CKAP5: variants seen among roughly 807,000 people sequenced by gnomAD.
CKAP5 encodes cytoskeleton associated protein 5.
CKAP5 carries 27 observed loss-of-function variants against 232.8 expected under a neutral mutation model. The ratio of observed to expected loss-of-function variants is 0.12; its 90% CI spans 0.09 to 0.16. The LOEUF (loss-of-function observed/expected upper bound fraction) is 0.16, where lower values mean the gene tolerates loss of function less well. Among genes scored for constraint, CKAP5 ranks in the 10% least tolerant of loss-of-function variants. The pLI is 1.00. For synonymous variants in CKAP5, 785 were observed against 841.1 expected, an observed-to-expected ratio of 0.93 and a Z score of 1.16; for missense variants, 1,838 against 2,424.7, an observed-to-expected ratio of 0.76 and a Z score of 5.08.
rs776672626 is a variant in CKAP5, at chr11:46,797,858, C to A, written c.1285G>T (p.Ala429Ser). The change falls in exon 11 of 44, where the codon GCT becomes TCT. Residue 429 changes from alanine to serine, a missense_variant. This residue lies in a region of CKAP5 where 767 missense variants were observed against 954.6 expected (regional missense o/e 0.80). Coordinates refer to ENST00000529230, the MANE Select transcript of CKAP5 (RefSeq NM_001008938.4). ...FIARSFRHCT[A>S]STLPKSLLKP... ...AGCAAGCTCTTTGGCAGGGTAGAAG[C>A]AGTGCAGTGGCGGAAACTTCTTGCA... 3.7e-6 allele frequency: 6 copies of A among 1,613,930 alleles called. No individual in the cohort carries two copies. The highest frequency in any genetic ancestry group is 2.7e-5 in the African/African-American group (2 of 74,900).
chr11:46,824,752 C>G (rs894896499), intron 1 of CKAP5, among the ~76,000 whole-genome samples: 1 of 152,200 alleles, frequency 6.6e-6, no homozygotes, highest in African/African-American at 2.4e-5. Flanking sequence ...TAGGGATGAG[C>G]AGACTGATCT....
intron 4 of CKAP5, among the ~76,000 whole-genome samples, chr11:46,812,533 TTTATCTA>T (rs1436045998): frequency 9.9e-5 from 15 of 152,258 alleles, no homozygotes; most frequent in Admixed American, 8.5e-4. Flanking sequence ...CAAATTATTA[TTTATCTA>T]TTATCTAATG....
chr11:46,769,810 C>T (rs2134604574), intron 26 of CKAP5, among the ~76,000 whole-genome samples, 153 bp downstream of exon 26: 1 of 152,170 alleles, frequency 6.6e-6, no homozygotes, highest in South Asian at 2.1e-4. Flanking sequence ...GACTACTTGA[C>T]AAGTGTTTGT....
intron 8 of CKAP5, among the ~76,000 whole-genome samples, chr11:46,806,881 C>T (rs184716465): frequency 6.6e-6 from 1 of 152,304 alleles, no homozygotes; most frequent in East Asian, 1.9e-4. Flanking sequence ...ACTCTACCTT[C>T]TTGCTTTAGC....
In CKAP5 at chr11:46,743,841, C is replaced by T. The variant is rs1018968969; in HGVS notation, c.*182G>A. 4.2e-5 allele frequency: 30 copies of T among 709,932 alleles called. No individual in the cohort carries two copies. The highest frequency in any genetic ancestry group is 2.3e-4 in the Admixed American group (8 of 35,520). 44.0% of individuals were successfully genotyped at this position (709,932 alleles called of 1,614,324 possible). On this transcript the variant is annotated 3_prime_UTR_variant, in exon 44 of 44. Coordinates refer to ENST00000529230, the MANE Select transcript of CKAP5 (RefSeq NM_001008938.4). ...CGGACAGTCTTCTAGAGCAGCAGGA[C>T]GCTGACAGAGAGAAGCAGAGTATGT...
chr11:46,801,315 G>A lies in CKAP5; in HGVS notation c.979-11C>T. The A allele has an allele frequency of 6.3e-7, 1 of 1,596,074 alleles. No homozygotes were observed. The highest frequency in any genetic ancestry group is 1.7e-5 in the Admixed American group (1 of 59,922). On this transcript the variant is annotated splice_polypyrimidine_tract_variant and intron_variant, in intron 8 of 43. Coordinates refer to ENST00000529230, the MANE Select transcript of CKAP5 (RefSeq NM_001008938.4). ...GTCCTTTCCAACAACCTACAAAGGG[G>A]GGTAAAAAGGAAAACAAAATAGTCA... is the stretch of plus-strand genomic sequence containing the variant.
chr11:46,817,765 G>C (rs1331087036), intron 3 of CKAP5, among the ~76,000 whole-genome samples: 1 of 152,032 alleles, frequency 6.6e-6, no homozygotes, highest in African/African-American at 2.4e-5. Flanking sequence ...AGGATGACTA[G>C]AAATCTGTCA....
chr11:46,811,257 T>C (rs532441814), intron 4 of CKAP5, 79 bp from the exon 5 acceptor site: 10 of 1,141,350 alleles, frequency 8.8e-6, no homozygotes, highest in East Asian at 2.5e-5. Flanking sequence ...CATTCAAACA[T>C]AGTTCCATAT....
intron 17 of CKAP5, 75 bp downstream of exon 17, chr11:46,784,413 T>A (rs780954834): frequency 3.4e-6 from 4 of 1,174,760 alleles, no homozygotes; most frequent in Non-Finnish European, 4.9e-6. Context: ...TAAAAACTAA[T>A]GTTTAATTAG....
At chr11:46,839,056 C>T (rs1939987322) in intron 1 of CKAP5, among the ~76,000 whole-genome samples, 1 of 151,998 alleles carries the variant, frequency 6.6e-6, no homozygotes, top group African/African-American at 2.4e-5. Context: ...AATCTATGTT[C>T]TGCTTTCATT....
chr11:46,765,111 G>C lies in CKAP5; in HGVS notation c.3537+20C>G. On this transcript the variant is annotated intron_variant, in intron 28 of 43. Transcript: ENST00000529230. ...ACAATACAAGCAAAAATCTCCTGACGATTCTTAATCCTTCCTTACCTTCAA... is the reference window on the plus strand; with the variant it reads ...ACAATACAAGCAAAAATCTCCTGACCATTCTTAATCCTTCCTTACCTTCAA... 1 of 1,596,096 alleles carries C rather than the reference G, an allele frequency of 6.3e-7. No homozygotes were observed. The highest frequency in any genetic ancestry group is 1.1e-5 in the South Asian group (1 of 88,036).
intron 35 of CKAP5, 155 bp downstream of exon 35, chr11:46,758,768 G>T: frequency 1.4e-6 from 1 of 733,004 alleles, no homozygotes; most frequent in Non-Finnish European, 2.1e-6. Flanking sequence ...TGAGGCAAGT[G>T]ATGACTGAGT....
intron 16 of CKAP5, among the ~76,000 whole-genome samples, chr11:46,786,878 C>G (rs2065399025): frequency 1.3e-5 from 2 of 152,114 alleles, no homozygotes; most frequent in African/African-American, 4.8e-5. Flanking sequence ...CACATTGGTT[C>G]AAGGCATTTA....
chr11:46,802,870 A>C (rs1007759274), intron 8 of CKAP5, among the ~76,000 whole-genome samples: 2 of 152,186 alleles, frequency 1.3e-5, no homozygotes, highest in Non-Finnish European at 2.9e-5. Flanking sequence ...TTTATTGAAA[A>C]AACAAATTAG....
At position 46,751,552 on chromosome 11, in the gene CKAP5, A is replaced by G. The variant is rs138191732; in HGVS notation, c.5134-18T>C. The G allele has an allele frequency of 3.0e-5, 47 of 1,590,038 alleles. No homozygotes were observed. The African/African-American group carries it at 4.6e-4, about 15-fold the overall frequency. On this transcript the variant is annotated intron_variant, in intron 38 of 43. Transcript: ENST00000529230. The stretch of plus-strand genomic sequence containing the variant: ...CAGAGACACTATTGAAAAAAGAATA[A>G]AAGAGTTAGGAGTGACTGAAGAATG...
intron 12 of CKAP5, 60 bp from the exon 13 acceptor site, chr11:46,795,836 T>TAA: frequency 7.2e-7 from 1 of 1,387,316 alleles, no homozygotes; most frequent in Non-Finnish European, 1.0e-6. Flanking sequence ...AACCACTACG[T>TAA]TATTACATTT....
Position 46,763,663 on chromosome 11 carries a change from G to A in CKAP5, c.3538-33C>T, listed in dbSNP as rs79419516. ...AAACAAACGGTGAAAAGGGGCTACAGGGTGTTCAACTGAAATGAGGTAGAG... is the reference window on the plus strand; with the variant it reads ...AAACAAACGGTGAAAAGGGGCTACAAGGTGTTCAACTGAAATGAGGTAGAG... On this transcript the variant is annotated intron_variant, in intron 28 of 43. Coordinates refer to ENST00000529230, the MANE Select transcript of CKAP5 (RefSeq NM_001008938.4). 1,567 of 1,468,780 alleles carry A rather than the reference G, an allele frequency of 1.1e-3. 17 individuals are homozygous for A. The African/African-American group carries it at 0.019, about 18-fold the overall frequency. 91.0% of individuals were successfully genotyped at this position (1,468,780 alleles called of 1,614,324 possible). A position where few individuals can be genotyped will look rare whatever the true frequency, so the allele number is the denominator to read the frequency against.
In CKAP5 at chr11:46,796,772, G is replaced by C. The variant is rs1309280737; in HGVS notation, c.1467+40C>G. Reference sequence around the variant, plus strand: ...ACAAAGCCATGATGCAAAGAGACAGGAATGTTGTCCAATTTCAGTCCAATC... The same window carrying C: ...ACAAAGCCATGATGCAAAGAGACAGCAATGTTGTCCAATTTCAGTCCAATC... On this transcript the variant is annotated intron_variant, in intron 12 of 43. Coordinates refer to ENST00000529230, the MANE Select transcript of CKAP5 (RefSeq NM_001008938.4). 9 of 1,607,924 alleles carry C rather than the reference G, an allele frequency of 5.6e-6. 1 individual carries two copies. In the South Asian group the frequency reaches 1.0e-4, roughly 18 times the overall value.
At chr11:46,785,413 C>T (rs1426365854) in intron 16 of CKAP5, among the ~76,000 whole-genome samples, 1 of 152,154 alleles carries the variant, frequency 6.6e-6, no homozygotes, top group Admixed American at 6.5e-5. Context: ...GCAACCTCTG[C>T]CTCCTGGGTT....
Sources: gnomAD v4.1 joint callset for allele counts (sites outside exome capture counted in the v4.1 genomes callset) on GRCh38, gnomAD v4.1.1 for gene constraint, gnomAD v4.1.1 regional missense constraint, MANE v1.5 for transcripts, NCBI Gene and HGNC (gene_info 2026-07-23, HGNC 2026-07-21) for gene names.